APC: variants seen among roughly 807,000 people sequenced by gnomAD.
APC encodes the protein adenomatous polyposis coli protein.
APC carries 72 observed loss-of-function variants against 247.0 expected under a neutral mutation model. That is an observed-to-expected ratio of 0.29 (90% CI 0.24 to 0.35). The LOEUF (loss-of-function observed/expected upper bound fraction) is 0.35, where lower values mean the gene tolerates loss of function less well. APC is among the 10% of genes least tolerant of loss of function. The pLI is 1.00. For synonymous variants in APC, 1,254 were observed against 1,162.5 expected, an observed-to-expected ratio of 1.08 and a Z score of -1.60; for missense variants, 3,400 against 3,360.7, an observed-to-expected ratio of 1.01 and a Z score of -0.29.
At chr5:112,828,154 G>T (rs533814269) in intron 13 of APC, 148 bp downstream of exon 13, 4 of 727,554 alleles carry the variant, frequency 5.5e-6, no homozygotes, top group South Asian at 4.5e-5. Flanking sequence ...TCCCACTTCA[G>T]CCTCTCGAGG....
chr5:112,719,570 T>G (rs1258453065), intron 1 of APC, among the ~76,000 whole-genome samples: 9 of 150,890 alleles, frequency 6.0e-5, no homozygotes, highest in Admixed American at 5.9e-4. Flanking sequence ...GACAGAGTCT[T>G]ACTGTGTCGC....
upstream of APC, among the ~76,000 whole-genome samples, chr5:112,735,664 A>G (rs1339117684): frequency 6.6e-6 from 1 of 152,094 alleles, no homozygotes; most frequent in Non-Finnish European, 1.5e-5. Context: ...TTATATATCT[A>G]TATTTAATTA....
In APC at chr5:112,835,000, A is replaced by T. The variant is rs2149841525; in HGVS notation, c.1793A>T (p.His598Leu). ...VLSALWNLSA[H>L]CTENKADICA... ...AGTGCCTTATGGAATTTGTCAGCAC[A>T]TTGCACTGAGAATAAAGCTGATATA... The change falls in exon 15 of 16, where the codon CAT becomes CTT. Residue 598 changes from histidine (H) to leucine (L), a missense_variant. Transcript: ENST00000257430. 1 of 1,614,100 alleles carries T rather than the reference A, an allele frequency of 6.2e-7. No homozygotes were observed. The highest frequency in any genetic ancestry group is 8.5e-7 in the Non-Finnish European group (1 of 1,179,986).
At chr5:112,718,397 T>G (rs575509464) in intron 1 of APC, among the ~76,000 whole-genome samples, 3 of 152,314 alleles carry the variant, frequency 2.0e-5, no homozygotes, top group African/African-American at 7.2e-5. Context: ...CCCAGATGAG[T>G]TGAAACTGAC....
In APC at chr5:112,713,662, A is replaced by G. The variant is rs113993333; in HGVS notation, c.165+5780A>G. Reference sequence around the variant, plus strand: ...CACCAAGAGTTAATATAAGCTGTACATAGGATTTCAGTGTTTATTTTCTGA... The same window carrying G: ...CACCAAGAGTTAATATAAGCTGTACGTAGGATTTCAGTGTTTATTTTCTGA... On this transcript the variant is annotated intron_variant, in intron 1 of 13. Coordinates refer to the APC transcript ENST00000507379. 7.4e-3 allele frequency among the ~76,000 whole-genome samples: 1,128 copies of G among 152,298 alleles called. 12 individuals are homozygous for G. Among genetic ancestry groups the G allele is most frequent in the African/African-American group, 0.025 (1,050 of 41,566 alleles).
At position 112,839,363 on chromosome 5, in the gene APC, G is replaced by A. The variant is rs1580639836; in HGVS notation, c.3769G>A (p.Glu1257Lys). 6.2e-7 allele frequency: 1 copy of A among 1,613,326 alleles called. No homozygotes were observed. Among genetic ancestry groups the A allele is most frequent in the Non-Finnish European group, 8.5e-7 (1 of 1,179,630 alleles). ...TTGCAAAGTTTCTTCTATTAACCAAGAAACAATACAGACTTATTGTGTAGA... is the reference window on the plus strand; with the variant it reads ...TTGCAAAGTTTCTTCTATTAACCAAAAAACAATACAGACTTATTGTGTAGA... ...ATCKVSSINQETIQTYCVEDT... is the reference protein window; with the variant it reads ...ATCKVSSINQKTIQTYCVEDT... Residue 1257 changes from glutamate (E) to lysine (K), a missense_variant, in exon 16 of 16, where the codon GAA (glutamate) becomes AAA (lysine). This residue lies in a region of APC where 715 missense variants were observed against 656.6 expected (regional missense o/e 1.09). Coordinates refer to ENST00000257430, the MANE Select transcript of APC (RefSeq NM_000038.6). This position sits in a 1 kb window ranked among gnomAD's most constrained non-coding sequence, Gnocchi z 5.0.
chr5:112,708,767 A>T (rs1477709936), intron 1 of APC, among the ~76,000 whole-genome samples: 1 of 152,200 alleles, frequency 6.6e-6, no homozygotes, highest in Non-Finnish European at 1.5e-5. Context: ...AATTGCTTGT[A>T]TTCTCGATTG....
intron 2 of APC, among the ~76,000 whole-genome samples, chr5:112,755,809 T>C (rs1432238791): frequency 6.6e-6 from 1 of 152,150 alleles, no homozygotes; most frequent in Non-Finnish European, 1.5e-5. Context: ...TTGGACATTA[T>C]CAACAAAAAT....
In APC at chr5:112,843,910, A is replaced by G. The variant is rs1554089062; in HGVS notation, c.8316A>G (p.Ser2772=). ...FSSSSSSKHS[S]PSGTVAARVT... ...CTAGCAGCTCAAGCAAACACAGTTC[A>G]CCTAGTGGGACTGTTGCTGCCAGAG... The change falls in exon 16 of 16, where the codon TCA becomes TCG. Residue 2772 remains serine, a synonymous_variant. Coordinates refer to ENST00000257430, the MANE Select transcript of APC (RefSeq NM_000038.6). The surrounding 1 kb of genome is among the most constrained non-coding windows in gnomAD (Gnocchi z 4.8). 2 of 1,613,440 alleles carry G rather than the reference A, an allele frequency of 1.2e-6. No homozygotes were observed. The highest frequency in any genetic ancestry group is 3.3e-5 in the Admixed American group (2 of 59,998).
intron 1 of APC, among the ~76,000 whole-genome samples, chr5:112,712,899 T>C (rs1750939304): frequency 6.6e-6 from 1 of 152,188 alleles, no homozygotes. Context: ...GGCTAGGCGC[T>C]GTGGCTCACG....
intron 1 of APC, among the ~76,000 whole-genome samples, chr5:112,725,564 G>C (rs1003937560): frequency 1.3e-5 from 2 of 151,802 alleles, no homozygotes; most frequent in East Asian, 1.9e-4. Context: ...GACCAGCCGG[G>C]GCAACATGGT....
At chr5:112,826,530 AAC>A (rs1391603444) in intron 11 of APC, among the ~76,000 whole-genome samples, 1 of 152,020 alleles carries the variant, frequency 6.6e-6, no homozygotes, top group East Asian at 1.9e-4. Flanking sequence ...TGTTTTGAAA[AAC>A]ACAAATCAGT....
upstream of APC, among the ~76,000 whole-genome samples, chr5:112,733,088 C>G (rs115562244): frequency 1.3e-5 from 2 of 152,176 alleles, no homozygotes; most frequent in Non-Finnish European, 2.9e-5. Context: ...TCTCCATATG[C>G]TGGAGCCTTC....
intron 1 of APC, among the ~76,000 whole-genome samples, chr5:112,745,466 T>A (rs1429710552): frequency 6.6e-6 from 1 of 152,038 alleles, no homozygotes; most frequent in Non-Finnish European, 1.5e-5. Context: ...AAAATTGATG[T>A]CCTTAAAATT....
At position 112,819,085 on chromosome 5, in the gene APC, A is replaced by G. The variant is rs1561541012; in HGVS notation, c.1053A>G (p.Gly351=). 2 of 1,614,074 alleles carry G rather than the reference A, an allele frequency of 1.2e-6. No individual in the cohort carries two copies. Among genetic ancestry groups the G allele is most frequent in the East Asian group, 2.2e-5 (1 of 44,880 alleles). The part of the protein sequence containing the change: ...QDSCISMRQS[G]CLPLLIQLLH... Reference sequence around the variant, plus strand: ...GCTGTATATCCATGCGACAGTCTGGATGTCTTCCTCTCCTCATCCAGCTTT... The same window carrying G: ...GCTGTATATCCATGCGACAGTCTGGGTGTCTTCCTCTCCTCATCCAGCTTT... The change falls in exon 10 of 16, where the codon GGA becomes GGG. Residue 351 remains glycine, a synonymous_variant. Transcript: ENST00000257430.
At chr5:112,794,101 T>C (rs961792216) in intron 7 of APC, among the ~76,000 whole-genome samples, 1 of 151,144 alleles carries the variant, frequency 6.6e-6, no homozygotes, top group Non-Finnish European at 1.5e-5. Flanking sequence ...AATCCTGCCA[T>C]GTAAGTAAGT....
rs894003600 is a variant in APC, at chr5:112,836,174, C to G, written c.1958+1009C>G. On this transcript the variant is annotated intron_variant, in intron 15 of 15. Coordinates refer to ENST00000257430, the MANE Select transcript of APC (RefSeq NM_000038.6). ...TAGCTGGGATTACAGGTCCCCCCCC[C>G]CCCCCGCCACCGTGCCCGGCTAATT... is the stretch of plus-strand genomic sequence containing the variant. 6.2e-3 allele frequency among the ~76,000 whole-genome samples: 476 copies of G among 76,592 alleles called. 51 individuals carry two copies. Among genetic ancestry groups the G allele is most frequent in the African/African-American group, 0.018 (434 of 24,416 alleles). 50.2% of individuals were successfully genotyped at this position (76,592 alleles called of 152,430 possible).
intron 14 of APC, among the ~76,000 whole-genome samples, chr5:112,832,745 G>T (rs1461997313): frequency 6.6e-6 from 1 of 152,156 alleles, no homozygotes; most frequent in Admixed American, 6.5e-5. Context: ...CTCCTAAAGA[G>T]CTGTTCTCCT....
intron 1 of APC, among the ~76,000 whole-genome samples, chr5:112,728,292 T>A (rs1425722955): frequency 6.6e-6 from 1 of 152,038 alleles, no homozygotes; most frequent in Admixed American, 6.6e-5. Flanking sequence ...CATGCCTGCC[T>A]ATTGTTTTTT....
Sources: gnomAD v4.1 joint callset for allele counts (sites outside exome capture counted in the v4.1 genomes callset) on GRCh38, gnomAD v4.1.1 for gene constraint, gnomAD v4.1.1 regional missense constraint, Gnocchi (gnomAD v3.1) non-coding constraint, MANE v1.5 for transcripts, NCBI Gene and HGNC (gene_info 2026-07-23, HGNC 2026-07-21) for gene names.